Variants in DEK observed in about 807,000 individuals in gnomAD.
DEK encodes protein DEK.
A neutral mutation model predicts 46.8 loss-of-function variants in DEK; 28 were observed. The ratio of observed to expected loss-of-function variants is 0.60; its 90% CI spans 0.44 to 0.82. The LOEUF (loss-of-function observed/expected upper bound fraction) is 0.82, where lower values mean the gene tolerates loss of function less well. Among genes scored for constraint, DEK ranks in the 40% least tolerant of loss-of-function variants. The probability of loss-of-function intolerance (pLI) is 0.00; values close to 1 mark genes in which losing one functional copy is unlikely to be tolerated. For synonymous variants in DEK, 160 were observed against 144.5 expected (o/e 1.11, Z -0.77); for missense variants, 416 against 430.6 (o/e 0.97, Z 0.30).
At chr6:18,254,986 A>T (rs1396806773) in intron 6 of DEK, among the ~76,000 whole-genome samples, 1 of 152,182 alleles carries the variant, frequency 6.6e-6, no homozygotes, top group Non-Finnish European at 1.5e-5. Flanking sequence ...CCCATCAGAG[A>T]TGGCATTCCC....
At chr6:18,254,241 G>A (rs772390032) in intron 6 of DEK, among the ~76,000 whole-genome samples, 1 of 152,100 alleles carries the variant, frequency 6.6e-6, no homozygotes, top group Non-Finnish European at 1.5e-5. Context: ...TGAGGCAGAA[G>A]AATTGCTTGA....
rs1790069591 is a variant in DEK, at chr6:18,225,441, G to A, written c.*278C>T. 2 of 384,004 alleles carry A rather than the reference G, an allele frequency of 5.2e-6. No homozygotes were observed. Among genetic ancestry groups the A allele is most frequent in the East Asian group, 7.6e-5 (2 of 26,174 alleles). 23.8% of individuals were successfully genotyped at this position (384,004 alleles called of 1,614,324 possible). ...AAACCACAACAGCTCAAGAATCTAT[G>A]ACCTTATATAAAGAAATCCAAAATG... On this transcript the variant is annotated 3_prime_UTR_variant, in exon 11 of 11. Coordinates refer to ENST00000652689, the MANE Select transcript of DEK (RefSeq NM_003472.4).
rs1791692664 is a variant in DEK, at chr6:18,258,339, G to C, written c.212C>G (p.Ser71Cys). Reference protein sequence around the residue: ...KKVERLTMQVSSLQREPFTIA... With the variant: ...KKVERLTMQVCSLQREPFTIA... ...TGTAAATGGCTCTCTCTGTAAGGAA[G>C]AGACTTGCATTGTCAACCTCTCTAC... Residue 71 changes from serine to cysteine, a missense_variant, in exon 3 of 11, where the codon TCT becomes TGT. Transcript: ENST00000652689. 1 of 1,613,442 alleles carries C rather than the reference G, an allele frequency of 6.2e-7. No homozygotes were observed. The highest frequency in any genetic ancestry group is 8.5e-7 in the Non-Finnish European group (1 of 1,179,776).
chr6:18,244,946 T>C (rs866691421), intron 7 of DEK, among the ~76,000 whole-genome samples: 2 of 152,212 alleles, frequency 1.3e-5, no homozygotes, highest in East Asian at 1.9e-4. Context: ...TCCAAATAGA[T>C]AGTTTACCAA....
At chr6:18,242,669 G>GT (rs1346221812) in intron 7 of DEK, among the ~76,000 whole-genome samples, 3 of 152,134 alleles carry the variant, frequency 2.0e-5, no homozygotes, top group Non-Finnish European at 4.4e-5. Flanking sequence ...AACTGTTGCA[G>GT]TATCATTGTG....
At position 18,226,228 on chromosome 6, in the gene DEK, A is replaced by G. The variant is rs1790120432; in HGVS notation, c.1062T>C (p.Tyr354=). ...KQICKKVYEN[Y]PTYDLTERKD... Reference sequence around the variant, plus strand: ...TTCTTTCAGTTAAATCATAAGTAGGATAATTTTCATAGACCTATGTATAGT... The same window carrying G: ...TTCTTTCAGTTAAATCATAAGTAGGGTAATTTTCATAGACCTATGTATAGT... The change falls in exon 10 of 11, where the codon TAT becomes TAC. Residue 354 remains tyrosine (Y), a synonymous_variant. Coordinates refer to ENST00000652689, the MANE Select transcript of DEK (RefSeq NM_003472.4). The G allele has an allele frequency of 7.4e-7, 1 of 1,351,290 alleles. No homozygotes were observed. Among genetic ancestry groups the G allele is most frequent in the Non-Finnish European group, 9.9e-7 (1 of 1,011,728 alleles). The allele number at this position is 1,351,290 out of a possible 1,614,324, so 83.7% of individuals were successfully genotyped here.
chr6:18,240,219 CTT>C (rs1790842758), intron 7 of DEK, among the ~76,000 whole-genome samples: 1 of 152,170 alleles, frequency 6.6e-6, no homozygotes, highest in Non-Finnish European at 1.5e-5. Flanking sequence ...TCCATAAAAT[CTT>C]ACTTCTGTAT....
At chr6:18,257,639 C>T (rs1047139806) in intron 4 of DEK, among the ~76,000 whole-genome samples, 4 of 151,776 alleles carry the variant, frequency 2.6e-5, no homozygotes, top group Non-Finnish European at 5.9e-5. Context: ...ACACTTGAGC[C>T]CAGGAGGTTG....
chr6:18,257,729 A>AAAAAAG (rs202026548), intron 4 of DEK, among the ~76,000 whole-genome samples: 3 of 152,064 alleles, frequency 2.0e-5, no homozygotes, highest in Admixed American at 6.5e-5. Context: ...AGAAAGAAAA[A>AAAAAAG]AAAAAGAAAA....
chr6:18,252,670 G>A (rs1234129465), intron 6 of DEK, among the ~76,000 whole-genome samples: 1 of 151,940 alleles, frequency 6.6e-6, no homozygotes, highest in Non-Finnish European at 1.5e-5. Flanking sequence ...AAGGACTTTG[G>A]GGTTTCCTGA....
At chr6:18,255,064 C>T (rs1377095139) in intron 6 of DEK, among the ~76,000 whole-genome samples, 3 of 152,280 alleles carry the variant, frequency 2.0e-5, no homozygotes, top group East Asian at 3.9e-4. Flanking sequence ...AATATAAAAA[C>T]ATTTGCTGAC....
chr6:18,232,063 C>T (rs188207850), intron 9 of DEK, among the ~76,000 whole-genome samples: 6 of 152,124 alleles, frequency 3.9e-5, no homozygotes, highest in South Asian at 4.1e-4. Flanking sequence ...GTTCAACACA[C>T]GCAAATCAAC....
chr6:18,242,385 G>A (rs1412561613), intron 7 of DEK, among the ~76,000 whole-genome samples: 1 of 152,088 alleles, frequency 6.6e-6, no homozygotes, highest in Non-Finnish European at 1.5e-5. Flanking sequence ...GAATAATACG[G>A]CAGTCTCCCT....
chr6:18,259,912 T>C (rs1791779224), intron 2 of DEK, among the ~76,000 whole-genome samples: 1 of 152,192 alleles, frequency 6.6e-6, no homozygotes, highest in African/African-American at 2.4e-5. Context: ...CCAAACACAC[T>C]AAAACAACCC....
At chr6:18,235,410 G>A (rs1582261972) in intron 9 of DEK, among the ~76,000 whole-genome samples, 1 of 152,176 alleles carries the variant, frequency 6.6e-6, no homozygotes, top group African/African-American at 2.4e-5. Context: ...TTCCTCAACT[G>A]TATAGAATGG....
intron 9 of DEK, 56 bp downstream of exon 9, chr6:18,236,396 T>A (rs371327855): frequency 1.9e-6 from 3 of 1,566,720 alleles, no homozygotes; most frequent in Non-Finnish European, 2.6e-6. Context: ...AATTCAGAGA[T>A]AAGTGAAAGA....
intron 7 of DEK, among the ~76,000 whole-genome samples, chr6:18,247,842 T>C (rs995193478): frequency 6.6e-6 from 1 of 152,010 alleles, no homozygotes; most frequent in African/African-American, 2.4e-5. Context: ...CCAGCTAATT[T>C]TGTATTTTTA....
At chr6:18,255,207 G>C (rs1791550258) in intron 6 of DEK, among the ~76,000 whole-genome samples, 1 of 152,190 alleles carries the variant, frequency 6.6e-6, no homozygotes, top group Non-Finnish European at 1.5e-5. Flanking sequence ...AAAACTGTAA[G>C]GCCATTTTAC....
chr6:18,226,432 T>C (rs1485609178), intron 9 of DEK, among the ~76,000 whole-genome samples, 190 bp from the exon 10 acceptor site: 1 of 152,234 alleles, frequency 6.6e-6, no homozygotes, highest in South Asian at 2.1e-4. Context: ...TGTGGAAAAC[T>C]AGCATGCAAA....
Sources: allele counts gnomAD v4.1 joint callset (sites outside exome capture counted in the v4.1 genomes callset), GRCh38; gene constraint gnomAD v4.1.1; transcripts MANE v1.5; gene names NCBI Gene and HGNC (gene_info 2026-07-23, HGNC 2026-07-21).